The following ABCB1 variants were observed in gnomAD, a reference collection of about 807,000 sequenced individuals.
ABCB1 encodes the protein ATP binding cassette subfamily B member 1, also known as ATP-dependent translocase ABCB1.
In ABCB1, 69 loss-of-function variants were observed where a neutral mutation model predicts 142.0. That is an observed-to-expected ratio of 0.49 (90% CI 0.40 to 0.59). The LOEUF (loss-of-function observed/expected upper bound fraction) is 0.59. ABCB1 is among the 20% of genes least tolerant of loss of function. ABCB1 has a pLI of 0.00. For missense variants in ABCB1, 1,326 were observed against 1,554.7 expected (o/e 0.85, Z 2.47); for synonymous variants, 532 against 539.2 (o/e 0.99, Z 0.18).
At chr7:87,586,436 G>C (rs1034648987) in intron 3 of ABCB1, among the ~76,000 whole-genome samples, 1 of 152,050 alleles carries the variant, frequency 6.6e-6, no homozygotes, top group Non-Finnish European at 1.5e-5. Context: ...TATAACTCAA[G>C]GAACTAGCTA....
At chr7:87,679,311 T>C (rs1165457740) in intron 1 of ABCB1, among the ~76,000 whole-genome samples, 1 of 149,528 alleles carries the variant, frequency 6.7e-6, no homozygotes, top group Non-Finnish European at 1.5e-5. Flanking sequence ...GCCAGGATGG[T>C]CTCCATCTCC....
chr7:87,641,723 A>G (rs921264441), intron 1 of ABCB1, among the ~76,000 whole-genome samples: 44 of 152,216 alleles, frequency 2.9e-4, no homozygotes, highest in East Asian at 1.9e-4. Context: ...ATATTTTATG[A>G]AAGAAAGAAA....
intron 27 of ABCB1, among the ~76,000 whole-genome samples, chr7:87,505,431 C>T (rs1301495034): frequency 1.3e-5 from 2 of 152,184 alleles, no homozygotes; most frequent in Non-Finnish European, 2.9e-5. Context: ...TGAGCAAAGG[C>T]CAAATACAGA....
At chr7:87,550,370 G>C in intron 11 of ABCB1, 74 bp from the exon 12 acceptor site, 1 of 1,609,672 alleles carries the variant, frequency 6.2e-7, no homozygotes, top group Non-Finnish European at 8.5e-7. Context: ...TGTTCACTAG[G>C]TTTAAATATA....
At position 87,520,811 on chromosome 7, in the gene ABCB1, T is replaced by C. The variant is rs1815470142; in HGVS notation, c.2751A>G (p.Glu917=). Residue 917 remains glutamate, a synonymous_variant, in exon 22 of 28, where the codon GAA becomes GAG. Transcript: ENST00000622132. The stretch of plus-strand genomic sequence containing the variant: ...CCTGCAAACTCTGAGCATACATATG[T>C]TCAAACTTCTGCTCCTGAGTCAAAG... ...VVSLTQEQKF[E]HMYAQSLQVP... The C allele has an allele frequency of 1.9e-6, 3 of 1,614,000 alleles. No individual in the cohort carries two copies. Among genetic ancestry groups the C allele is most frequent in the Non-Finnish European group, 2.5e-6 (3 of 1,179,898 alleles).
At chr7:87,522,024 G>A in intron 21 of ABCB1, 4 of 930,228 alleles carry the variant, frequency 4.3e-6, no homozygotes, top group Non-Finnish European at 5.3e-6. Context: ...GAGATGGTGA[G>A]TGCTTCATCC....
At chr7:87,612,856 T>C (rs1340060461) in intron 1 of ABCB1, among the ~76,000 whole-genome samples, 2 of 152,116 alleles carry the variant, frequency 1.3e-5, no homozygotes, top group Non-Finnish European at 2.9e-5. Flanking sequence ...TTGGGCAGTG[T>C]GGTCATTTTC....
chr7:87,565,776 T>G (rs890428712), intron 7 of ABCB1, among the ~76,000 whole-genome samples: 2 of 151,952 alleles, frequency 1.3e-5, no homozygotes, highest in East Asian at 3.9e-4. Flanking sequence ...TTTGTTTTTG[T>G]TTTTGTTTGT....
chr7:87,596,736 A>G (rs1819227213), intron 2 of ABCB1, among the ~76,000 whole-genome samples: 1 of 152,078 alleles, frequency 6.6e-6, no homozygotes, highest in South Asian at 2.1e-4. Flanking sequence ...AGAGGTGAGG[A>G]GACTTCTAAA....
chr7:87,667,305 A>G (rs1012516602), intron 1 of ABCB1, among the ~76,000 whole-genome samples: 2 of 152,026 alleles, frequency 1.3e-5, no homozygotes, highest in Admixed American at 6.6e-5. Flanking sequence ...GTTGGTGTAT[A>G]GGAATGCTAG....
At chr7:87,549,644 T>A in intron 13 of ABCB1, 126 bp from the exon 14 acceptor site, 1 of 1,477,874 alleles carries the variant, frequency 6.8e-7, no homozygotes, top group Non-Finnish European at 9.4e-7. Flanking sequence ...TCTTTAAATC[T>A]TATTTAACAC....
At chr7:87,561,056 G>A (rs943805164) in intron 8 of ABCB1, among the ~76,000 whole-genome samples, 34 of 152,286 alleles carry the variant, frequency 2.2e-4, no homozygotes, top group African/African-American at 7.2e-4. Context: ...TGCCCATCTA[G>A]AAAACTCTTT....
intron 1 of ABCB1, chr7:87,650,842 T>C (rs1316044982): frequency 1.9e-6 from 3 of 1,608,410 alleles, no homozygotes; most frequent in Non-Finnish European, 2.6e-6. Context: ...AAGACCCTGA[T>C]TGATCGGTCT....
At chr7:87,600,547 A>G (rs1310823491) in intron 1 of ABCB1, among the ~76,000 whole-genome samples, 1 of 152,190 alleles carries the variant, frequency 6.6e-6, no homozygotes, top group African/African-American at 2.4e-5. Context: ...TCCGGGCAAC[A>G]TGGTCCAGTG....
intron 4 of ABCB1, among the ~76,000 whole-genome samples, chr7:87,576,664 T>G (rs984671036): frequency 6.6e-6 from 1 of 151,740 alleles, no homozygotes; most frequent in African/African-American, 2.4e-5. Context: ...CCATATTCTA[T>G]CCCAGAGGAT....
At chr7:87,665,741 T>G (rs1825164073) in intron 1 of ABCB1, among the ~76,000 whole-genome samples, 1 of 152,062 alleles carries the variant, frequency 6.6e-6, no homozygotes, top group Admixed American at 6.6e-5. Context: ...CATCCTTCTT[T>G]CCATGTGTAG....
At chr7:87,662,897 GT>G (rs1243031107) in intron 1 of ABCB1, among the ~76,000 whole-genome samples, 1 of 151,910 alleles carries the variant, frequency 6.6e-6, no homozygotes, top group South Asian at 2.1e-4. Context: ...ATATCTTTCA[GT>G]TTTTTTGTGT....
chr7:87,643,531 TGG>T (rs1822662561), intron 1 of ABCB1, among the ~76,000 whole-genome samples: 1 of 152,072 alleles, frequency 6.6e-6, no homozygotes, highest in Non-Finnish European at 1.5e-5. Flanking sequence ...TTTGGGTGTG[TGG>T]GTGCGGGGCA....
chr7:87,610,227 T>C lies in ABCB1; in HGVS notation c.-330-9149A>G, dbSNP rs574045691. On this transcript the variant is annotated intron_variant, in intron 1 of 28. Transcript: ENST00000265724. ...TGTTCTTATGTACGAACTAGCTTTT[T>C]CTTTCTTTTTTTTTTTTTTTTTTTT... is the stretch of plus-strand genomic sequence containing the variant. Among the ~76,000 whole-genome samples the C allele has an allele frequency of 2.0e-5, 3 of 149,348 alleles. No individual in the cohort carries two copies. In the East Asian group the frequency reaches 5.8e-4, roughly 29 times the overall value.
Sources: allele counts gnomAD v4.1 joint callset (sites outside exome capture counted in the v4.1 genomes callset), GRCh38; gene constraint gnomAD v4.1.1; transcripts MANE v1.5; gene names NCBI Gene and HGNC (gene_info 2026-07-23, HGNC 2026-07-21).